The following FRAS1 variants were observed in gnomAD, a reference collection of about 807,000 sequenced individuals.
FRAS1 encodes Fraser extracellular matrix complex subunit 1.
Under a neutral mutation model 435.2 loss-of-function variants are expected in FRAS1, and 290 were observed. That is an observed-to-expected ratio of 0.67 (90% CI 0.61 to 0.73). The LOEUF is 0.73. FRAS1 is among the 30% of genes least tolerant of loss of function. FRAS1 has a pLI of 0.00. For synonymous variants in FRAS1, 1,800 were observed against 1,851.0 expected, an observed-to-expected ratio of 0.97 and a Z score of 0.71; for missense variants, 4,860 against 5,001.5, an observed-to-expected ratio of 0.97 and a Z score of 0.85.
chr4:78,488,867 C>A lies in FRAS1; in HGVS notation c.8753-8C>A, dbSNP rs1720253109. On this transcript the variant is annotated splice_region_variant and splice_polypyrimidine_tract_variant and intron_variant, in intron 58 of 73. Coordinates refer to ENST00000512123, the MANE Select transcript of FRAS1 (RefSeq NM_025074.7). The stretch of plus-strand genomic sequence containing the variant: ...ATGGTGCGTCTGTCTTTCTGTCTGC[C>A]CACCTAGTGCCCAGCATGCAGTTTG... The A allele has an allele frequency of 6.2e-7, 1 of 1,610,154 alleles. No individual in the cohort carries two copies. The highest frequency in any genetic ancestry group is 2.2e-5 in the East Asian group (1 of 44,714).
At chr4:78,538,292 A>T (rs1222731232) in intron 72 of FRAS1, among the ~76,000 whole-genome samples, 1 of 152,234 alleles carries the variant, frequency 6.6e-6, no homozygotes, top group African/African-American at 2.4e-5. Context: ...ATGTCGATAG[A>T]TATAAGTCAC....
intron 70 of FRAS1, among the ~76,000 whole-genome samples, chr4:78,534,058 A>T (rs1721804589): frequency 6.6e-6 from 1 of 152,226 alleles, no homozygotes; most frequent in South Asian, 2.1e-4. Context: ...GACATGCGAT[A>T]AATAAAGTTT....
intron 64 of FRAS1, among the ~76,000 whole-genome samples, chr4:78,511,871 C>T (rs947564922): frequency 1.3e-5 from 2 of 152,206 alleles, no homozygotes; most frequent in Non-Finnish European, 2.9e-5. Flanking sequence ...CATGGCATCT[C>T]TTCTAGGGAC....
At chr4:78,209,295 T>TAGGTTAACCA (rs1723402921) in intron 2 of FRAS1, among the ~76,000 whole-genome samples, 1 of 152,240 alleles carries the variant, frequency 6.6e-6, no homozygotes, top group Admixed American at 6.5e-5. Flanking sequence ...GAGTTTGCTC[T>TAGGTTAACCA]CTTCAGTAGT....
intron 2 of FRAS1, among the ~76,000 whole-genome samples, chr4:78,098,274 T>G (rs1434967844): frequency 2.1e-5 from 3 of 144,442 alleles, no homozygotes; most frequent in Non-Finnish European, 4.5e-5. Context: ...GATAGATCTT[T>G]TCTTTTTTTT....
In FRAS1 at chr4:78,345,208, T is replaced by G. The variant is rs535313203; in HGVS notation, c.2422+7391T>G. 4.7e-4 allele frequency among the ~76,000 whole-genome samples: 71 copies of G among 152,310 alleles called. 3 individuals carry two copies. In the South Asian group the frequency reaches 0.014, roughly 31 times the overall value. ...ATGGTGTGTTTATAAAGTTTTATAA[T>G]TTTCAAAGCATTTTCTTATGGATCT... On this transcript the variant is annotated intron_variant, in intron 20 of 73. Transcript: ENST00000512123.
chr4:78,247,370 T>C (rs963563080), intron 4 of FRAS1, among the ~76,000 whole-genome samples: 2 of 152,180 alleles, frequency 1.3e-5, no homozygotes, highest in African/African-American at 2.4e-5. Context: ...AGCAAAAGGA[T>C]GAATTTCAAA....
At chr4:78,085,419 A>C (rs1391129557) in intron 2 of FRAS1, among the ~76,000 whole-genome samples, 3 of 152,160 alleles carry the variant, frequency 2.0e-5, no homozygotes, top group African/African-American at 7.2e-5. Flanking sequence ...ATCCTGATAA[A>C]TAAGTCAAAA....
chr4:78,377,817 T>C (rs909479846), intron 26 of FRAS1, among the ~76,000 whole-genome samples: 3 of 152,116 alleles, frequency 2.0e-5, no homozygotes, highest in African/African-American at 4.8e-5. Context: ...TTTGTAAAAT[T>C]CCCGAGGTCC....
At chr4:78,363,407 C>G (rs985929075) in intron 20 of FRAS1, 106 bp from the exon 21 acceptor site, 1 of 1,131,764 alleles carries the variant, frequency 8.8e-7, no homozygotes, top group Admixed American at 2.5e-5. Context: ...CTCCAGCTGT[C>G]AGCTGCAGTG....
intron 33 of FRAS1, among the ~76,000 whole-genome samples, chr4:78,419,737 C>G (rs1290232536): frequency 6.6e-6 from 1 of 152,170 alleles, no homozygotes; most frequent in African/African-American, 2.4e-5. Context: ...CATGGTTTCA[C>G]AGGCTGTACA....
Position 78,363,929 on chromosome 4 carries a change from C to T in FRAS1, c.2597C>T (p.Thr866Ile), listed in dbSNP as rs555252020. ...ACKKCHSSCR[T>I]CQGRGPFSCS... ...GCAGAATGCCACTCCTCCTGCAGAA[C>T]CTGCCAGGGCAGAGGACCTTTCTCC... is the stretch of plus-strand genomic sequence containing the variant. Residue 866 changes from threonine to isoleucine, a missense_variant, in exon 22 of 74, where the codon ACC becomes ATC. Thr to Ile is a moderately conservative substitution (Grantham distance 89). Transcript: ENST00000512123. 6 of 1,611,164 alleles carry T rather than the reference C, an allele frequency of 3.7e-6. No individual in the cohort carries two copies. The South Asian group carries it at 6.6e-5, about 18-fold the overall frequency.
intron 2 of FRAS1, among the ~76,000 whole-genome samples, chr4:78,161,136 C>A (rs888695214): frequency 4.7e-5 from 7 of 149,698 alleles, no homozygotes; most frequent in African/African-American, 1.7e-4. Context: ...GAGACTCTTT[C>A]TCAGGAAAAA....
intron 2 of FRAS1, among the ~76,000 whole-genome samples, chr4:78,146,812 A>G (rs995714170): frequency 6.6e-6 from 1 of 152,190 alleles, no homozygotes; most frequent in Non-Finnish European, 1.5e-5. Context: ...ATCACATTGT[A>G]CATTATAATT....
chr4:78,148,819 T>A (rs1458274828), intron 2 of FRAS1, among the ~76,000 whole-genome samples: 4 of 152,182 alleles, frequency 2.6e-5, no homozygotes, highest in African/African-American at 9.6e-5. Context: ...TGAATTATAG[T>A]GACTGTGAAT....
chr4:78,382,164 G>A (rs1363759435), intron 27 of FRAS1, among the ~76,000 whole-genome samples: 1 of 152,026 alleles, frequency 6.6e-6, no homozygotes, highest in Non-Finnish European at 1.5e-5. Flanking sequence ...CTGATATACT[G>A]AACACTGTTA....
chr4:78,314,924 A>G (rs1324409059), intron 15 of FRAS1, among the ~76,000 whole-genome samples: 1 of 152,140 alleles, frequency 6.6e-6, no homozygotes, highest in African/African-American at 2.4e-5. Context: ...GATATTTTAA[A>G]TATTTCCAAT....
intron 3 of FRAS1, among the ~76,000 whole-genome samples, chr4:78,241,600 G>T (rs569946347): frequency 1.3e-5 from 2 of 152,256 alleles, no homozygotes; most frequent in East Asian, 3.9e-4. Flanking sequence ...AGTGAATTAG[G>T]AGTGGTTGCT....
chr4:78,460,408 G>A (rs1047885111), intron 47 of FRAS1, among the ~76,000 whole-genome samples: 4 of 152,188 alleles, frequency 2.6e-5, no homozygotes, highest in African/African-American at 7.2e-5. Flanking sequence ...ATTTCAAATA[G>A]CAACTACCTG....
Sources: gnomAD v4.1 joint callset for allele counts (sites outside exome capture counted in the v4.1 genomes callset) on GRCh38, gnomAD v4.1.1 for gene constraint, MANE v1.5 for transcripts, NCBI Gene and HGNC (gene_info 2026-07-23, HGNC 2026-07-21) for gene names.